Variants in ENTREP2 observed in about 807,000 individuals in gnomAD.
ENTREP2 encodes the protein endosomal transmembrane epsin interactor 2, also known as protein ENTREP2.
the ENTREP2 span, among the ~76,000 whole-genome samples, chr15:29,372,542 C>G: frequency 6.6e-6 from 1 of 152,100 alleles, no homozygotes; most frequent in Non-Finnish European, 1.5e-5. Context: ...CCATGTTGTT[C>G]AAGGGTTAAC....
the ENTREP2 span, among the ~76,000 whole-genome samples, chr15:29,184,590 A>G: frequency 6.7e-6 from 1 of 150,208 alleles, no homozygotes; most frequent in African/African-American, 2.5e-5. Context: ...CATGGAAATC[A>G]TGAAGTCCGC....
the ENTREP2 span, among the ~76,000 whole-genome samples, chr15:29,622,072 G>T: frequency 1.5e-4 from 23 of 152,132 alleles, no homozygotes; most frequent in African/African-American, 5.6e-4. Flanking sequence ...AGTGGGGAGG[G>T]GATGGGGACA....
the ENTREP2 span, among the ~76,000 whole-genome samples, chr15:29,243,873 T>C: frequency 6.6e-6 from 1 of 152,168 alleles, no homozygotes; most frequent in East Asian, 1.9e-4. Flanking sequence ...CAAATTAAAA[T>C]AAACCTAGAT....
the ENTREP2 span, chr15:29,381,723 C>G: frequency 6.8e-7 from 1 of 1,477,240 alleles, no homozygotes; most frequent in Admixed American, 2.0e-5. Flanking sequence ...GCTCACGCAT[C>G]TGAAGGTGGA....
At chr15:29,272,742 C>A in the ENTREP2 span, among the ~76,000 whole-genome samples, 2 of 152,088 alleles carry the variant, frequency 1.3e-5, no homozygotes, top group African/African-American at 4.8e-5. Flanking sequence ...TGTGCATATG[C>A]GCAATTGCAC....
At chr15:29,388,420 C>T in the ENTREP2 span, among the ~76,000 whole-genome samples, 8 of 152,176 alleles carry the variant, frequency 5.3e-5, no homozygotes, top group African/African-American at 1.7e-4. Flanking sequence ...CAATGAGATG[C>T]CATCTCACAC....
At chr15:29,625,370 T>TG in the ENTREP2 span, among the ~76,000 whole-genome samples, 3 of 152,234 alleles carry the variant, frequency 2.0e-5, no homozygotes, top group African/African-American at 7.2e-5. Context: ...ATTTCACTAC[T>TG]GGGTTGTATT....
chr15:29,258,557 T>C, the ENTREP2 span, among the ~76,000 whole-genome samples: 2 of 152,156 alleles, frequency 1.3e-5, no homozygotes, highest in African/African-American at 2.4e-5. Context: ...TTCTAATTTG[T>C]TTTTTAAACT....
At chr15:29,237,149 A>C in the ENTREP2 span, among the ~76,000 whole-genome samples, 1 of 152,190 alleles carries the variant, frequency 6.6e-6, no homozygotes, top group Non-Finnish European at 1.5e-5. Context: ...GACAAGGAAG[A>C]AGCTTTTGAC....
At chr15:29,417,661 T>TAAC in the ENTREP2 span, among the ~76,000 whole-genome samples, 1 of 151,340 alleles carries the variant, frequency 6.6e-6, no homozygotes, top group Non-Finnish European at 1.5e-5. Flanking sequence ...AAATTTAAAA[T>TAAC]AATAATAATA....
chr15:29,138,243 T>G, the ENTREP2 span, among the ~76,000 whole-genome samples: 1 of 152,208 alleles, frequency 6.6e-6, no homozygotes, highest in Non-Finnish European at 1.5e-5. Flanking sequence ...GCTGCTTTAA[T>G]AGTGAGGTGA....
At chr15:29,380,426 G>T in the ENTREP2 span, among the ~76,000 whole-genome samples, 1 of 152,058 alleles carries the variant, frequency 6.6e-6, no homozygotes, top group Non-Finnish European at 1.5e-5. Context: ...CACTTAAAGA[G>T]GAGATTTTAA....
chr15:29,359,078 T>C, the ENTREP2 span, among the ~76,000 whole-genome samples: 1 of 152,124 alleles, frequency 6.6e-6, no homozygotes, highest in Non-Finnish European at 1.5e-5. Flanking sequence ...CTACAGGGAA[T>C]GAACAGTAAT....
the ENTREP2 span, among the ~76,000 whole-genome samples, chr15:29,525,229 G>A: frequency 6.6e-6 from 1 of 152,312 alleles, no homozygotes. Flanking sequence ...AGTTACATAT[G>A]ACCCAGTAAT....
At chr15:29,280,984 T>C in the ENTREP2 span, among the ~76,000 whole-genome samples, 1 of 152,316 alleles carries the variant, frequency 6.6e-6, no homozygotes, top group Non-Finnish European at 1.5e-5. Flanking sequence ...TCATTAAAAA[T>C]GTACCCGTGA....
chr15:29,234,723 A>C, the ENTREP2 span: 1,609 of 1,515,840 alleles, frequency 1.1e-3, 5 homozygotes, highest in Non-Finnish European at 1.4e-3. Context: ...CCATTGTGGC[A>C]AGTAAATTGG....
At chr15:29,402,490 T>C in the ENTREP2 span, among the ~76,000 whole-genome samples, 1 of 152,062 alleles carries the variant, frequency 6.6e-6, no homozygotes, top group African/African-American at 2.4e-5. Flanking sequence ...TTTGTATCTT[T>C]TGTAGAGAGA....
chr15:29,133,200 C>G, the ENTREP2 span, among the ~76,000 whole-genome samples: 1 of 151,578 alleles, frequency 6.6e-6, no homozygotes, highest in African/African-American at 2.4e-5. Context: ...TGCCTGGTAA[C>G]CTCCTCAAGG....
At chr15:29,515,421 G>C in the ENTREP2 span, among the ~76,000 whole-genome samples, 1 of 152,176 alleles carries the variant, frequency 6.6e-6, no homozygotes, top group Non-Finnish European at 1.5e-5. Flanking sequence ...CAAATCGGAT[G>C]ATGACCACCT....
Sources: gnomAD v4.1 joint callset for allele counts (sites outside exome capture counted in the v4.1 genomes callset) on GRCh38, gnomAD v4.1.1 for gene constraint, MANE v1.5 for transcripts, NCBI Gene and HGNC (gene_info 2026-07-23, HGNC 2026-07-21) for gene names.